MACROD2: variants seen among roughly 807,000 people sequenced by gnomAD.
The protein encoded by MACROD2 is ADP-ribose glycohydrolase MACROD2.
A neutral mutation model predicts 70.4 loss-of-function variants in MACROD2; 36 were observed. The ratio of observed to expected loss-of-function variants is 0.51; its 90% CI spans 0.39 to 0.68. The LOEUF (loss-of-function observed/expected upper bound fraction) is 0.68. Ranked by LOEUF, MACROD2 falls within the 30% of genes least tolerant of loss-of-function variation. The probability of loss-of-function intolerance (pLI) is 0.00; values close to 1 mark genes in which losing one functional copy is unlikely to be tolerated. For synonymous variants in MACROD2, 172 were observed against 178.8 expected, an observed-to-expected ratio of 0.96 and a Z score of 0.30; for missense variants, 496 against 538.4, an observed-to-expected ratio of 0.92 and a Z score of 0.78.
At chr20:15,138,668 A>C (rs1047478294) in intron 5 of MACROD2, among the ~76,000 whole-genome samples, 3 of 152,136 alleles carry the variant, frequency 2.0e-5, no homozygotes, top group Non-Finnish European at 4.4e-5. Context: ...CCAGCTTGGC[A>C]TTGAATGTGT....
chr20:15,829,425 G>T (rs971665608), intron 8 of MACROD2, among the ~76,000 whole-genome samples: 1 of 152,018 alleles, frequency 6.6e-6, no homozygotes, highest in African/African-American at 2.4e-5. Context: ...GGAAAACATG[G>T]ATCTAAAAAC....
chr20:14,975,088 C>A (rs1322011399), intron 5 of MACROD2, among the ~76,000 whole-genome samples: 1 of 152,072 alleles, frequency 6.6e-6, no homozygotes, highest in Non-Finnish European at 1.5e-5. Flanking sequence ...ACACTAGATG[C>A]CAGTAGCATG....
At position 14,866,345 on chromosome 20, in the gene MACROD2, C is replaced by T. The variant is rs1005740120; in HGVS notation, c.418+181386C>T. 2.6e-5 allele frequency among the ~76,000 whole-genome samples: 4 copies of T among 152,086 alleles called. No individual in the cohort carries two copies. The East Asian group carries it at 7.7e-4, about 29-fold the overall frequency. On this transcript the variant is annotated intron_variant, in intron 5 of 17. Transcript: ENST00000684519. ...TGAACCACCTTTAGTTAATTGATCACATCCAAAGTGCACTCCCTTCAGCCT... is the reference window on the plus strand; with the variant it reads ...TGAACCACCTTTAGTTAATTGATCATATCCAAAGTGCACTCCCTTCAGCCT...
intron 5 of MACROD2, among the ~76,000 whole-genome samples, chr20:15,043,201 A>C (rs972317239): frequency 6.6e-6 from 1 of 152,218 alleles, no homozygotes; most frequent in African/African-American, 2.4e-5. Flanking sequence ...TGTTCCACAG[A>C]CGCATTTTAT....
chr20:15,982,495 G>A (rs2147456448), intron 13 of MACROD2, among the ~76,000 whole-genome samples: 1 of 152,278 alleles, frequency 6.6e-6, no homozygotes, highest in African/African-American at 2.4e-5. Flanking sequence ...TGTGACTGGA[G>A]CGGGGCTTGT....
intron 6 of MACROD2, among the ~76,000 whole-genome samples, chr20:15,311,996 T>C (rs1025776179): frequency 6.6e-6 from 1 of 152,124 alleles, no homozygotes; most frequent in African/African-American, 2.4e-5. Flanking sequence ...AGTAATATTT[T>C]AGTAGCCAAA....
At chr20:14,784,484 A>T (rs1452031869) in intron 5 of MACROD2, among the ~76,000 whole-genome samples, 1 of 151,980 alleles carries the variant, frequency 6.6e-6, no homozygotes, top group African/African-American at 2.4e-5. Flanking sequence ...CCTTTTATTA[A>T]GTCGGGTTCA....
At chr20:14,083,290 G>C in intron 2 of MACROD2, among the ~76,000 whole-genome samples, 1 of 152,000 alleles carries the variant, frequency 6.6e-6, no homozygotes, top group Non-Finnish European at 1.5e-5. Flanking sequence ...GGGCGTGGTG[G>C]TGGGTGCCTG....
chr20:14,986,506 T>C (rs1236751989), intron 5 of MACROD2, among the ~76,000 whole-genome samples: 1 of 152,184 alleles, frequency 6.6e-6, no homozygotes, highest in African/African-American at 2.4e-5. Flanking sequence ...GATACCGTCC[T>C]AAGTGCTGGA....
intron 3 of MACROD2, among the ~76,000 whole-genome samples, chr20:14,093,993 ATTTTTTTTTTAT>A (rs1408188210): frequency 6.7e-6 from 1 of 150,252 alleles, no homozygotes; most frequent in Non-Finnish European, 1.5e-5. Flanking sequence ...TTTTTTTAAA[ATTTTTTTTTTAT>A]TTTTTAGAAG....
intron 3 of MACROD2, among the ~76,000 whole-genome samples, chr20:14,112,878 A>G (rs1258781965): frequency 6.6e-6 from 1 of 152,008 alleles, no homozygotes; most frequent in Non-Finnish European, 1.5e-5. Context: ...TTCATGAAAT[A>G]TAAATCTATA....
intron 5 of MACROD2, among the ~76,000 whole-genome samples, chr20:14,948,299 A>G (rs13037508): frequency 6.6e-6 from 1 of 151,976 alleles, no homozygotes; most frequent in Non-Finnish European, 1.5e-5. Flanking sequence ...AAATATTTTC[A>G]TTTCTTCACA....
intron 3 of MACROD2, among the ~76,000 whole-genome samples, chr20:14,106,377 G>A (rs1453881000): frequency 5.9e-5 from 9 of 152,294 alleles, no homozygotes; most frequent in Non-Finnish European, 1.0e-4. Context: ...CAGCTTAACC[G>A]TGGTAGGCAT....
chr20:15,982,860 T>C (rs1326456406), intron 13 of MACROD2, among the ~76,000 whole-genome samples: 3 of 152,136 alleles, frequency 2.0e-5, no homozygotes, highest in Admixed American at 2.0e-4. Context: ...TATCTGCTTC[T>C]TGTGCTAACA....
chr20:14,846,098 T>G (rs1600719926), intron 5 of MACROD2, among the ~76,000 whole-genome samples: 1 of 152,190 alleles, frequency 6.6e-6, no homozygotes, highest in Non-Finnish European at 1.5e-5. Context: ...AAAAAGTATT[T>G]CTGATGTAGT....
intron 5 of MACROD2, among the ~76,000 whole-genome samples, chr20:14,811,314 C>A (rs2072708009): frequency 6.6e-6 from 1 of 152,008 alleles, no homozygotes; most frequent in Admixed American, 6.6e-5. Flanking sequence ...CTTTCACAAA[C>A]CTCACAAAAA....
At chr20:14,127,842 G>C (rs1043513106) in intron 3 of MACROD2, 7 of 469,230 alleles carry the variant, frequency 1.5e-5, no homozygotes, top group African/African-American at 1.4e-4. Context: ...ATCAATAGCA[G>C]GAAGCACCAA....
At chr20:14,645,018 TA>T (rs1158827029) in intron 4 of MACROD2, among the ~76,000 whole-genome samples, 1 of 152,148 alleles carries the variant, frequency 6.6e-6, no homozygotes, top group Non-Finnish European at 1.5e-5. Context: ...TCAAACATAT[TA>T]TTTGCACAGG....
chr20:15,259,764 C>T (rs1457767098), intron 6 of MACROD2, among the ~76,000 whole-genome samples: 5 of 151,762 alleles, frequency 3.3e-5, no homozygotes, highest in Middle Eastern at 3.4e-3. Flanking sequence ...TTTTTTTTCC[C>T]TCTTCTTTTC....
Sources: allele counts gnomAD v4.1 joint callset (sites outside exome capture counted in the v4.1 genomes callset), GRCh38; gene constraint gnomAD v4.1.1; transcripts MANE v1.5; gene names NCBI Gene and HGNC (gene_info 2026-07-23, HGNC 2026-07-21).